PID1: variants seen among roughly 807,000 people sequenced by gnomAD.
PID1 encodes PTB-containing, cubilin and LRP1-interacting protein.
A neutral mutation model predicts 19.1 loss-of-function variants in PID1; 10 were observed. The observed-to-expected ratio is 0.52, with a 90% CI of 0.32 to 0.89. The LOEUF (loss-of-function observed/expected upper bound fraction) is 0.89. Ranked by LOEUF, PID1 falls within the 40% of genes least tolerant of loss-of-function variation. The probability of loss-of-function intolerance (pLI) is 0.03; values close to 1 mark genes in which losing one functional copy is unlikely to be tolerated. For synonymous variants in PID1, 130 were observed against 116.0 expected (o/e 1.12, Z -0.78); for missense variants, 248 against 285.3 (o/e 0.87, Z 0.94).
At chr2:229,080,687 G>A (rs1012816343) in intron 2 of PID1, among the ~76,000 whole-genome samples, 6 of 152,144 alleles carry the variant, frequency 3.9e-5, no homozygotes, top group African/African-American at 7.2e-5. Context: ...CCATTAGCAC[G>A]GTGCAGGATG....
chr2:229,200,883 G>A (rs1425629679), intron 1 of PID1, among the ~76,000 whole-genome samples: 2 of 152,168 alleles, frequency 1.3e-5, no homozygotes, highest in East Asian at 3.9e-4. Flanking sequence ...GCTGTGTGAA[G>A]GCATGTGGGT....
At position 229,069,176 on chromosome 2, in the gene PID1, T is replaced by TGTGA. The variant is rs199900445; in HGVS notation, c.178-43072_178-43069dup. ...GTGTGTGTGTGTGTGTGTGTGTGTG[T>TGTGA]GTGAGATGAGGGAGCAAGTAGGGTC... On this transcript the variant is annotated intron_variant, in intron 2 of 2. Coordinates refer to ENST00000392055, the MANE Select transcript of PID1 (RefSeq NM_001100818.2). Among the ~76,000 whole-genome samples, 48 of 150,934 alleles carry TGTGA rather than the reference T, an allele frequency of 3.2e-4. 1 individual carries two copies. Among genetic ancestry groups the TGTGA allele is most frequent in the African/African-American group, 1.1e-3 (47 of 40,906 alleles).
intron 1 of PID1, among the ~76,000 whole-genome samples, chr2:229,181,096 G>A (rs553148349): frequency 2.6e-5 from 4 of 152,198 alleles, no homozygotes; most frequent in East Asian, 3.9e-4. Context: ...TCCACCTAAC[G>A]AGAAACGCCC....
intron 2 of PID1, among the ~76,000 whole-genome samples, chr2:229,066,326 C>A (rs1385354383): frequency 6.6e-6 from 1 of 152,064 alleles, no homozygotes; most frequent in Non-Finnish European, 1.5e-5. Flanking sequence ...CAATTCAATA[C>A]AAATTGCCAA....
chr2:229,055,501 G>A (rs1389898113), intron 2 of PID1, among the ~76,000 whole-genome samples: 1 of 152,118 alleles, frequency 6.6e-6, no homozygotes, highest in Non-Finnish European at 1.5e-5. Flanking sequence ...GAGTTGCCTT[G>A]GGTATGTGCC....
intron 1 of PID1, among the ~76,000 whole-genome samples, chr2:229,192,044 A>T (rs1005857982): frequency 6.6e-6 from 1 of 152,134 alleles, no homozygotes; most frequent in African/African-American, 2.4e-5. Flanking sequence ...ATGAACACAC[A>T]CTATATAAGT....
At chr2:229,224,832 TAAAAA>T (rs3084669) in intron 1 of PID1, among the ~76,000 whole-genome samples, 3 of 148,346 alleles carry the variant, frequency 2.0e-5, no homozygotes, top group African/African-American at 2.5e-5. Context: ...GGATTCAGAA[TAAAAA>T]AAAAAAAAAA....
intron 2 of PID1, among the ~76,000 whole-genome samples, chr2:229,154,631 C>T (rs922688723): frequency 4.6e-5 from 7 of 152,140 alleles, no homozygotes; most frequent in African/African-American, 7.2e-5. Flanking sequence ...TCGCTGTAGA[C>T]GCCAACCTGA....
At chr2:229,081,992 G>A (rs1242861468) in intron 2 of PID1, among the ~76,000 whole-genome samples, 1 of 152,050 alleles carries the variant, frequency 6.6e-6, no homozygotes, top group Non-Finnish European at 1.5e-5. Flanking sequence ...CTTAAGTCAA[G>A]AGAGTGAAAC....
chr2:229,269,637 CA>C, intron 1 of PID1, among the ~76,000 whole-genome samples: 1 of 152,336 alleles, frequency 6.6e-6, no homozygotes, highest in East Asian at 1.9e-4. Context: ...AGGAGAACTT[CA>C]AATGCGCCAC....
chr2:229,134,231 G>GTTTTTTGTTTTTTTTTTT (rs1689808465), intron 2 of PID1, among the ~76,000 whole-genome samples: 1 of 109,220 alleles, frequency 9.2e-6, no homozygotes, highest in African/African-American at 3.6e-5. Flanking sequence ...TACTACCTGT[G>GTTTTTTGTTTTTTTTTTT]TTTTTTTTTT....
chr2:229,031,333 G>A (rs1414744960), intron 2 of PID1, among the ~76,000 whole-genome samples: 1 of 151,866 alleles, frequency 6.6e-6, no homozygotes, highest in African/African-American at 2.4e-5. Flanking sequence ...CAAAGTGGGT[G>A]GATCACTTGA....
At chr2:229,043,509 G>A (rs1004685775) in intron 2 of PID1, among the ~76,000 whole-genome samples, 10 of 152,108 alleles carry the variant, frequency 6.6e-5, no homozygotes, top group Admixed American at 1.3e-4. Context: ...AGAGCGAAGC[G>A]GACTCAGGAT....
At chr2:229,208,993 A>G (rs969304142) in intron 1 of PID1, among the ~76,000 whole-genome samples, 3 of 152,208 alleles carry the variant, frequency 2.0e-5, no homozygotes, top group African/African-American at 4.8e-5. Flanking sequence ...TGTGGCAAAC[A>G]AAAGAAGTGC....
rs1559251448 is a variant in PID1 at position 229,139,043 on chromosome 2, A to AAGAAAG, written c.177+16769_177+16774dup. ...AGAAAGAAAGAAAGAAAGAAAGAGA[A>AAGAAAG]AGAAAGAAAGAAAGAGAAAGAAAGA... is the stretch of plus-strand genomic sequence containing the variant. On this transcript the variant is annotated intron_variant, in intron 2 of 2. Transcript: ENST00000392055. 1.7e-3 allele frequency among the ~76,000 whole-genome samples: 110 copies of AAGAAAG among 63,576 alleles called. 7 individuals carry two copies. The highest frequency in any genetic ancestry group is 9.0e-3 in the East Asian group (23 of 2,554). 41.7% of individuals were successfully genotyped at this position (63,576 alleles called of 152,430 possible).
intron 2 of PID1, among the ~76,000 whole-genome samples, chr2:229,134,958 C>A (rs986044432): frequency 6.6e-6 from 1 of 151,858 alleles, no homozygotes; most frequent in Non-Finnish European, 1.5e-5. Flanking sequence ...GTTCTGCCCT[C>A]ACACAAAGGG....
intron 1 of PID1, among the ~76,000 whole-genome samples, chr2:229,180,212 G>T (rs905949377): frequency 6.6e-6 from 1 of 152,116 alleles, no homozygotes; most frequent in East Asian, 1.9e-4. Flanking sequence ...CTTAGGCAAT[G>T]CACAGAACAG....
At chr2:229,176,662 A>G (rs1690830197) in intron 1 of PID1, among the ~76,000 whole-genome samples, 1 of 152,222 alleles carries the variant, frequency 6.6e-6, no homozygotes, top group Non-Finnish European at 1.5e-5. Context: ...AGAAGACGGC[A>G]TTGTATAAGC....
At chr2:229,061,506 C>A (rs1694211659) in intron 2 of PID1, among the ~76,000 whole-genome samples, 1 of 151,930 alleles carries the variant, frequency 6.6e-6, no homozygotes, top group Non-Finnish European at 1.5e-5. Flanking sequence ...TTGATTACTA[C>A]AACTTTGTAA....
Sources: allele counts gnomAD v4.1 joint callset (sites outside exome capture counted in the v4.1 genomes callset), GRCh38; gene constraint gnomAD v4.1.1; transcripts MANE v1.5; gene names NCBI Gene and HGNC (gene_info 2026-07-23, HGNC 2026-07-21).